The following FAM13A variants were observed in gnomAD, a reference collection of about 807,000 sequenced individuals.
The protein encoded by FAM13A is family with sequence similarity 13 member A, also known as protein FAM13A.
Under a neutral mutation model 129.6 loss-of-function variants are expected in FAM13A, and 76 were observed. That is an observed-to-expected ratio of 0.59 (90% CI 0.49 to 0.71). The LOEUF is 0.71. Ranked by LOEUF, FAM13A falls within the 30% of genes least tolerant of loss-of-function variation. The probability of loss-of-function intolerance (pLI) is 0.00; values close to 1 mark genes in which losing one functional copy is unlikely to be tolerated. For synonymous variants in FAM13A, 443 were observed against 449.9 expected (o/e 0.98, Z 0.20); for missense variants, 1,108 against 1,249.3 (o/e 0.89, Z 1.70).
intron 7 of FAM13A, among the ~76,000 whole-genome samples, chr4:88,843,323 C>G (rs111564709): frequency 5.3e-5 from 8 of 152,276 alleles, no homozygotes; most frequent in African/African-American, 1.9e-4. Context: ...TTAGCTGCCC[C>G]CGCAGTCGGC....
At chr4:88,827,341 T>C (rs1733174829) in intron 7 of FAM13A, among the ~76,000 whole-genome samples, 1 of 152,168 alleles carries the variant, frequency 6.6e-6, no homozygotes, top group Non-Finnish European at 1.5e-5. Flanking sequence ...ACGCATTCAA[T>C]AAATTGGGCG....
At chr4:88,796,625 G>T (rs149900405) in intron 8 of FAM13A, among the ~76,000 whole-genome samples, 1 of 151,408 alleles carries the variant, frequency 6.6e-6, no homozygotes, top group African/African-American at 2.4e-5. Flanking sequence ...TGATAATACC[G>T]TAGATATGTT....
intron 13 of FAM13A, among the ~76,000 whole-genome samples, chr4:88,759,707 C>A (rs1204435043): frequency 6.6e-6 from 1 of 152,126 alleles, no homozygotes; most frequent in Non-Finnish European, 1.5e-5. Context: ...TTCATCTACT[C>A]TGAATATTAA....
intron 13 of FAM13A, among the ~76,000 whole-genome samples, chr4:88,763,071 G>T (rs773351129): frequency 2.0e-5 from 3 of 152,178 alleles, no homozygotes; most frequent in Admixed American, 1.3e-4. Flanking sequence ...TAGAGGCAGA[G>T]ACTCATGTTT....
rs1333432429 is a variant in FAM13A, at chr4:88,864,048, C to T, written c.844-12865G>A. ...CGGAATATATTGCGATAATAGAATT[C>T]GAGAGAAAGAATAAATCATTCATTC... is the stretch of plus-strand genomic sequence containing the variant. On this transcript the variant is annotated intron_variant, in intron 6 of 23. Transcript: ENST00000264344. Among the ~76,000 whole-genome samples, 9 of 152,076 alleles carry T rather than the reference C, an allele frequency of 5.9e-5. No individual in the cohort carries two copies. The East Asian group carries it at 7.7e-4, about 13-fold the overall frequency.
chr4:88,914,025 A>C (rs952776501), intron 5 of FAM13A, among the ~76,000 whole-genome samples: 4 of 148,862 alleles, frequency 2.7e-5, no homozygotes, highest in East Asian at 2.0e-4. Context: ...AAAAAAAAAA[A>C]CTGTCAGTCT....
chr4:88,753,119 G>A (rs1742968231), intron 14 of FAM13A, among the ~76,000 whole-genome samples: 1 of 152,210 alleles, frequency 6.6e-6, no homozygotes, highest in Admixed American at 6.5e-5. Context: ...CCTTTAATGT[G>A]TTAGAATCTA....
intron 1 of FAM13A, among the ~76,000 whole-genome samples, chr4:89,053,498 G>T (rs1410900756): frequency 5.9e-5 from 9 of 152,086 alleles, no homozygotes; most frequent in Non-Finnish European, 1.3e-4. Context: ...TTTGGTATAT[G>T]ACCTTTCTGT....
intron 14 of FAM13A, among the ~76,000 whole-genome samples, chr4:88,753,342 G>A (rs1463658466): frequency 6.6e-6 from 1 of 152,168 alleles, no homozygotes; most frequent in Non-Finnish European, 1.5e-5. Flanking sequence ...TGTTAACACA[G>A]CTTTATTTTG....
chr4:88,978,750 G>C (rs562586154), intron 4 of FAM13A, among the ~76,000 whole-genome samples: 186 of 151,822 alleles, frequency 1.2e-3, no homozygotes, highest in African/African-American at 4.2e-3. Context: ...GCCGAGATCC[G>C]GCCACTGCAC....
In FAM13A at chr4:88,781,292, A is replaced by G. The variant is rs115684627; in HGVS notation, c.1331T>C (p.Leu444Ser). The G allele has an allele frequency of 1.2e-6, 2 of 1,613,064 alleles. No homozygotes were observed. The highest frequency in any genetic ancestry group is 1.7e-6 in the Non-Finnish European group (2 of 1,179,414). ...SGFNHLDDCI[L>S]NTQEVEKVHK... is the part of the protein sequence containing the mutation. ...TACCTTTTCGACTTCCTGAGTATTC[A>G]AAATACAATCATCAAGGTGGTTGAA... Residue 444 changes from leucine to serine, a missense_variant, in exon 11 of 24, where the codon TTG becomes TCG. This residue lies in a region of FAM13A where 566 missense variants were observed against 595.7 expected (regional missense o/e 0.95). Coordinates refer to ENST00000264344, the MANE Select transcript of FAM13A (RefSeq NM_014883.4).
intron 5 of FAM13A, among the ~76,000 whole-genome samples, chr4:88,923,819 A>C (rs1044608790): frequency 2.0e-4 from 31 of 152,146 alleles, no homozygotes; most frequent in South Asian, 4.1e-4. Context: ...GTCTCAGCCC[A>C]AAATCTCCTT....
chr4:89,051,673 G>T (rs1434822546), intron 1 of FAM13A, among the ~76,000 whole-genome samples: 2 of 152,176 alleles, frequency 1.3e-5, no homozygotes, highest in East Asian at 3.9e-4. Context: ...CTCTCTAGCT[G>T]TGAGCCTGTG....
At chr4:89,040,143 A>T (rs1769923492) in intron 1 of FAM13A, among the ~76,000 whole-genome samples, 1 of 152,190 alleles carries the variant, frequency 6.6e-6, no homozygotes, top group African/African-American at 2.4e-5. Flanking sequence ...TGCATGCTGC[A>T]ACAGGGATGC....
intron 7 of FAM13A, among the ~76,000 whole-genome samples, chr4:88,832,456 CAGAAT>C (rs1476454636): frequency 6.6e-6 from 1 of 152,250 alleles, no homozygotes; most frequent in East Asian, 1.9e-4. Context: ...AGACAACCTA[CAGAAT>C]AGGAGAATAT....
chr4:89,016,754 C>T (rs1320575858), intron 3 of FAM13A, among the ~76,000 whole-genome samples: 1 of 152,134 alleles, frequency 6.6e-6, no homozygotes, highest in African/African-American at 2.4e-5. Flanking sequence ...CCCTCCTCAG[C>T]CTCCTGAGTA....
intron 4 of FAM13A, among the ~76,000 whole-genome samples, chr4:88,987,839 A>AAAAAAAAAAAAAAC (rs1762441667): frequency 3.1e-5 from 2 of 65,222 alleles, no homozygotes; most frequent in African/African-American, 1.3e-4. Context: ...GACTCCTCTC[A>AAAAAAAAAAAAAAC]AAAAAAAAAA....
chr4:88,938,793 T>C (rs1439477216), intron 4 of FAM13A, among the ~76,000 whole-genome samples: 2 of 152,198 alleles, frequency 1.3e-5, no homozygotes, highest in Middle Eastern at 3.2e-3. Flanking sequence ...GTTGAAAATA[T>C]ATCTGAATAC....
chr4:89,036,167 A>G lies in FAM13A; in HGVS notation c.28-6518T>C, dbSNP rs150458164. 2.0e-5 allele frequency among the ~76,000 whole-genome samples: 3 copies of G among 152,346 alleles called. No homozygotes were observed. In the East Asian group the frequency reaches 5.8e-4, roughly 29 times the overall value. ...TTGGAACTTTCTAGAAACTTGTTGA[A>G]TGGTTGTGATCAAAATGCTGATAGT... On this transcript the variant is annotated intron_variant, in intron 1 of 23. Transcript: ENST00000264344.
Sources: gnomAD v4.1 joint callset for allele counts (sites outside exome capture counted in the v4.1 genomes callset) on GRCh38, gnomAD v4.1.1 for gene constraint, gnomAD v4.1.1 regional missense constraint, MANE v1.5 for transcripts, NCBI Gene and HGNC (gene_info 2026-07-23, HGNC 2026-07-21) for gene names.